SHC3: variants seen among roughly 807,000 people sequenced by gnomAD.
SHC3 encodes SHC adaptor protein 3.
Under a neutral mutation model 60.4 loss-of-function variants are expected in SHC3, and 15 were observed. The ratio of observed to expected loss-of-function variants is 0.25; its 90% CI spans 0.17 to 0.38. SHC3 has a LOEUF of 0.38. Ranked by LOEUF, SHC3 falls within the 10% of genes least tolerant of loss-of-function variation. The pLI is 1.00. For synonymous variants in SHC3, 294 were observed against 325.9 expected, an observed-to-expected ratio of 0.90 and a Z score of 1.05; for missense variants, 677 against 786.1, an observed-to-expected ratio of 0.86 and a Z score of 1.66.
At position 89,008,458 on chromosome 9, in the gene SHC3, T is replaced by C. The variant is rs1046491157; in HGVS notation, c.*4989A>G. The C allele has an allele frequency of 6.6e-6, 1 of 152,142 alleles. No homozygotes were observed. Among genetic ancestry groups the C allele is most frequent in the Non-Finnish European group, 1.5e-5 (1 of 68,022 alleles). The allele number at this position is 152,142 out of a possible 1,614,324, so 9.4% of individuals were successfully genotyped here. A position where few individuals can be genotyped will look rare whatever the true frequency, so the allele number is the denominator to read the frequency against. The stretch of plus-strand genomic sequence containing the variant: ...TGCACCAGCATCACCTCGAGATTTT[T>C]TGAAATGCAAATTCCCGGGCCCCAC... On this transcript the variant is annotated 3_prime_UTR_variant, in exon 12 of 12. Coordinates refer to ENST00000375835, the MANE Select transcript of SHC3 (RefSeq NM_016848.6).
chr9:89,169,102 A>C (rs1826832764), intron 1 of SHC3, among the ~76,000 whole-genome samples: 1 of 152,296 alleles, frequency 6.6e-6, no homozygotes, highest in Middle Eastern at 3.4e-3. Flanking sequence ...TTTTTTAATA[A>C]GCAACTCTTG....
chr9:89,110,554 T>G, intron 2 of SHC3: 1 of 749,820 alleles, frequency 1.3e-6, no homozygotes, highest in Non-Finnish European at 1.6e-6. Flanking sequence ...TTCAACTGGA[T>G]GCAAAGTGCT....
At chr9:89,125,526 T>C (rs1826151465) in intron 1 of SHC3, among the ~76,000 whole-genome samples, 1 of 151,910 alleles carries the variant, frequency 6.6e-6, no homozygotes, top group South Asian at 2.1e-4. Flanking sequence ...AGGAGCTGGG[T>C]AAAATGAGGC....
chr9:89,167,986 G>A (rs369847597), intron 1 of SHC3, among the ~76,000 whole-genome samples: 4 of 152,142 alleles, frequency 2.6e-5, no homozygotes, highest in Admixed American at 2.0e-4. Flanking sequence ...GCGGCCACCC[G>A]GGCCCCCACA....
At chr9:89,117,159 G>A (rs556137279) in intron 1 of SHC3, among the ~76,000 whole-genome samples, 18 of 152,196 alleles carry the variant, frequency 1.2e-4, no homozygotes, top group African/African-American at 4.1e-4. Context: ...CTAATTTCTT[G>A]TAGTTATATT....
At chr9:89,098,985 A>AAATT (rs925297500) in intron 2 of SHC3, among the ~76,000 whole-genome samples, 4 of 152,156 alleles carry the variant, frequency 2.6e-5, no homozygotes, top group East Asian at 3.9e-4. Context: ...ATAAATAAAT[A>AAATT]AATTAATTAA....
intron 11 of SHC3, among the ~76,000 whole-genome samples, chr9:89,020,952 C>A (rs532420592): frequency 6.6e-6 from 1 of 152,240 alleles, no homozygotes; most frequent in African/African-American, 2.4e-5. Context: ...CACACATGGG[C>A]CTCATGAGGA....
chr9:89,024,436 C>A (rs115700143), intron 11 of SHC3, among the ~76,000 whole-genome samples: 5,149 of 152,216 alleles, frequency 0.034, 189 homozygotes, highest in African/African-American at 0.089. Context: ...CTCCACCACT[C>A]CCTGTGTGCG....
chr9:89,039,900 C>G (rs1260849964), intron 10 of SHC3, among the ~76,000 whole-genome samples: 1 of 151,994 alleles, frequency 6.6e-6, no homozygotes, highest in East Asian at 1.9e-4. Flanking sequence ...TAACCATCAT[C>G]ATCACCATCA....
At chr9:89,034,618 A>C (rs142645510) in intron 11 of SHC3, among the ~76,000 whole-genome samples, 1 of 152,226 alleles carries the variant, frequency 6.6e-6, no homozygotes, top group Non-Finnish European at 1.5e-5. Flanking sequence ...AGATCACACC[A>C]CATTCTTCTC....
intron 1 of SHC3, among the ~76,000 whole-genome samples, chr9:89,119,394 C>A (rs1826060201): frequency 6.6e-6 from 1 of 151,688 alleles, no homozygotes; most frequent in Non-Finnish European, 1.5e-5. Flanking sequence ...AAGCCCTTCA[C>A]AGGTTAAAAA....
intron 1 of SHC3, among the ~76,000 whole-genome samples, chr9:89,153,374 C>T (rs183775369): frequency 6.5e-4 from 99 of 152,302 alleles, no homozygotes; most frequent in Admixed American, 1.8e-3. Flanking sequence ...TTATGAACAT[C>T]GCCTACTTCA....
Position 89,110,421 on chromosome 9 carries a change from C to A in SHC3, c.545+2135G>T, listed in dbSNP as rs1033182394. The A allele has an allele frequency of 9.1e-6, 9 of 985,052 alleles. No individual in the cohort carries two copies. In the Admixed American group the frequency reaches 1.8e-4, roughly 20 times the overall value. 61.0% of individuals were successfully genotyped at this position (985,052 alleles called of 1,614,324 possible). ...TTTCCCTATAAACTTCCAAGAATTT[C>A]TTTAGTATATAAAGTAAACCATGGC... On this transcript the variant is annotated intron_variant, in intron 2 of 11. Transcript: ENST00000375835.
rs374842224 is a variant in SHC3, at chr9:89,045,853, C to T, written c.1114-20G>A. 2 of 1,608,124 alleles carry T rather than the reference C, an allele frequency of 1.2e-6. No homozygotes were observed. Among genetic ancestry groups the T allele is most frequent in the South Asian group, 1.1e-5 (1 of 90,656 alleles). On this transcript the variant is annotated intron_variant, in intron 8 of 11. Coordinates refer to ENST00000375835, the MANE Select transcript of SHC3 (RefSeq NM_016848.6). Reference sequence around the variant, plus strand: ...TGCAAACTATAGACACATGTAAATACACAGAATGAAAAAATTATTTTCTTC... The same window carrying T: ...TGCAAACTATAGACACATGTAAATATACAGAATGAAAAAATTATTTTCTTC...
intron 11 of SHC3, among the ~76,000 whole-genome samples, chr9:89,014,286 A>T (rs1564073196): frequency 6.6e-6 from 1 of 152,152 alleles, no homozygotes; most frequent in African/African-American, 2.4e-5. Flanking sequence ...GCTGGCCTGC[A>T]CTGTGGTCCC....
chr9:89,107,509 G>A (rs149021929), intron 2 of SHC3, among the ~76,000 whole-genome samples: 28 of 152,314 alleles, frequency 1.8e-4, no homozygotes, highest in African/African-American at 5.5e-4. Context: ...TTCCAAAGGC[G>A]GGATGCACAT....
chr9:89,066,780 T>C (rs952645343), intron 5 of SHC3, among the ~76,000 whole-genome samples: 6 of 152,200 alleles, frequency 3.9e-5, no homozygotes, highest in African/African-American at 9.7e-5. Flanking sequence ...GTTTTCTCTA[T>C]GGGCAAAGGA....
intron 1 of SHC3, among the ~76,000 whole-genome samples, chr9:89,167,943 G>A (rs1286298755): frequency 2.6e-5 from 4 of 152,130 alleles, no homozygotes; most frequent in Admixed American, 6.5e-5. Flanking sequence ...CCCCCACCTC[G>A]AGGGACCATA....
At chr9:89,071,073 AG>A in intron 5 of SHC3, 125 bp downstream of exon 5, 1 of 760,148 alleles carries the variant, frequency 1.3e-6, no homozygotes, top group South Asian at 2.3e-5. Flanking sequence ...GGAAATCAGG[AG>A]GGGGAAATTA....
Sources: gnomAD v4.1 joint callset for allele counts (sites outside exome capture counted in the v4.1 genomes callset) on GRCh38, gnomAD v4.1.1 for gene constraint, MANE v1.5 for transcripts, NCBI Gene and HGNC (gene_info 2026-07-23, HGNC 2026-07-21) for gene names.